Variants in GBF1 observed in about 807,000 individuals in gnomAD.
GBF1 encodes the protein golgi brefeldin A resistant guanine nucleotide exchange factor 1.
A neutral mutation model predicts 210.5 loss-of-function variants in GBF1; 114 were observed. That is an observed-to-expected ratio of 0.54 (90% CI 0.47 to 0.63). The LOEUF is 0.63. Ranked by LOEUF, GBF1 falls within the 30% of genes least tolerant of loss-of-function variation. The pLI is 0.00. For synonymous variants in GBF1, 850 were observed against 889.2 expected (o/e 0.96, Z 0.78); for missense variants, 1,851 against 2,357.7 (o/e 0.79, Z 4.45).
In GBF1 at chr10:102,311,575, C is replaced by G. The variant is rs146383508; in HGVS notation, c.164-32476C>G. On this transcript the variant is annotated intron_variant, in intron 3 of 39. Transcript: ENST00000369983. ...GGCCAGGGTGTCTGATGGGAACTTA[C>G]GAACCTTGGTTTGCTAAGGGTGATG... Among the ~76,000 whole-genome samples, 80 of 152,308 alleles carry G rather than the reference C, an allele frequency of 5.3e-4. 1 individual carries two copies. The highest frequency in any genetic ancestry group is 3.4e-3 in the Middle Eastern group (1 of 294).
At chr10:102,271,289 G>A (rs570347732) in intron 3 of GBF1, among the ~76,000 whole-genome samples, 77 of 152,082 alleles carry the variant, frequency 5.1e-4, no homozygotes, top group African/African-American at 1.6e-3. Flanking sequence ...TGCCCGCCTC[G>A]GCCTCCCCAA....
upstream of GBF1, among the ~76,000 whole-genome samples, chr10:102,241,733 G>A (rs1051291492): frequency 6.6e-6 from 1 of 152,250 alleles, no homozygotes; most frequent in Admixed American, 6.5e-5. The surrounding 1 kb of genome is among the most constrained non-coding windows in gnomAD (Gnocchi z 6.7). Flanking sequence ...TCAGCAACTC[G>A]GCCGCGCCCC....
the GBF1 span, among the ~76,000 whole-genome samples, chr10:102,239,227 A>G: frequency 6.6e-6 from 1 of 152,228 alleles, no homozygotes; most frequent in Non-Finnish European, 1.5e-5. Context: ...GTGACCAGGC[A>G]TGCGTTCAGT....
At chr10:102,336,779 T>C (rs951578757) in intron 3 of GBF1, among the ~76,000 whole-genome samples, 1 of 152,184 alleles carries the variant, frequency 6.6e-6, no homozygotes, top group African/African-American at 2.4e-5. Flanking sequence ...TACCTCATTA[T>C]AAATTATTTT....
chr10:102,260,367 C>G (rs1232281753), intron 3 of GBF1, among the ~76,000 whole-genome samples: 1 of 151,782 alleles, frequency 6.6e-6, no homozygotes, highest in Non-Finnish European at 1.5e-5. Context: ...GCTATGTTGC[C>G]CAGGCTGGTT....
intron 3 of GBF1, among the ~76,000 whole-genome samples, chr10:102,280,831 G>A (rs1463698003): frequency 2.6e-5 from 4 of 152,196 alleles, no homozygotes; most frequent in Non-Finnish European, 5.9e-5. Context: ...GTATATCATC[G>A]GCAGATTTGG....
At chr10:102,280,821 G>GTA (rs1346276107) in intron 3 of GBF1, among the ~76,000 whole-genome samples, 1 of 152,234 alleles carries the variant, frequency 6.6e-6, no homozygotes, top group Non-Finnish European at 1.5e-5. Context: ...GCAGCTGGAA[G>GTA]TATATCATCG....
chr10:102,299,157 G>A (rs191008418), intron 3 of GBF1, among the ~76,000 whole-genome samples: 1 of 152,296 alleles, frequency 6.6e-6, no homozygotes, highest in East Asian at 1.9e-4. Flanking sequence ...AGGATGGTAT[G>A]GAATACTACT....
At chr10:102,265,739 T>C (rs948041445) in intron 3 of GBF1, among the ~76,000 whole-genome samples, 1 of 152,082 alleles carries the variant, frequency 6.6e-6, no homozygotes, top group African/African-American at 2.4e-5. Flanking sequence ...CAAAATCTTC[T>C]CTTATGGGAT....
chr10:102,314,776 C>T (rs1255237409), intron 3 of GBF1, among the ~76,000 whole-genome samples: 1 of 152,112 alleles, frequency 6.6e-6, no homozygotes, highest in Non-Finnish European at 1.5e-5. Flanking sequence ...CTTTCTCAAA[C>T]CTCCTTTTCT....
chr10:102,360,117 C>A, intron 11 of GBF1, 67 bp from the exon 12 acceptor site: 4 of 983,448 alleles, frequency 4.1e-6, no homozygotes, highest in Non-Finnish European at 6.6e-6. Flanking sequence ...TAATGCAGAG[C>A]AGGCTAGGCA....
In GBF1 at chr10:102,353,711, A is replaced by G. The variant is rs541785392; in HGVS notation, c.639+57A>G. 28 of 1,277,712 alleles carry G rather than the reference A, an allele frequency of 2.2e-5. No homozygotes were observed. The South Asian group carries it at 3.0e-4, about 14-fold the overall frequency. 79.1% of individuals were successfully genotyped at this position (1,277,712 alleles called of 1,614,324 possible). The stretch of plus-strand genomic sequence containing the variant: ...ATCCAAACCTTAATCTCCCAACTTC[A>G]GTGCCTTGGGGTAACCTTGCTTAGC... On this transcript the variant is annotated intron_variant, in intron 8 of 39. Transcript: ENST00000369983.
chr10:102,361,220 A>G (rs1221788228), intron 13 of GBF1, 100 bp downstream of exon 13: 1 of 758,778 alleles, frequency 1.3e-6, no homozygotes, highest in Non-Finnish European at 2.4e-6. Context: ...GGTAGGATTT[A>G]GGGACTTCCT....
Position 102,379,548 on chromosome 10 carries a change from G to A in GBF1, c.4673G>A (p.Arg1558Gln), listed in dbSNP as rs553541471. Residue 1558 changes from arginine (R) to glutamine (Q), a missense_variant, in exon 35 of 40, where the codon CGG becomes CAG. This residue lies in a region of GBF1 where 967 missense variants were observed against 1,247.7 expected (regional missense o/e 0.78). Transcript: ENST00000369983. ...ATTGCCTGCCTGTGCTGCGATGCCC[G>A]GCGCCAGGTACGGATGCAGGCACTG... ...QGIACLCCDA[R>Q]RQVRMQALTY... 1.2e-5 allele frequency: 19 copies of A among 1,614,132 alleles called. No individual in the cohort carries two copies. In the South Asian group the frequency reaches 1.5e-4, roughly 13 times the overall value.
rs777918696 is a variant in GBF1 at position 102,368,469 on chromosome 10, G to T, written c.2879+15G>T. 11 of 1,450,538 alleles carry T rather than the reference G, an allele frequency of 7.6e-6. No individual in the cohort carries two copies. The highest frequency in any genetic ancestry group is 2.9e-6 in the Non-Finnish European group (3 of 1,031,674). 89.9% of individuals were successfully genotyped at this position (1,450,538 alleles called of 1,614,324 possible). ...TCAGGCTTCAGGTAGCCCAGCTTTG[G>T]CCTTGGTCTTCACCTCCCACTAGCT... On this transcript the variant is annotated intron_variant, in intron 22 of 39. Coordinates refer to ENST00000369983, the MANE Select transcript of GBF1 (RefSeq NM_001377137.1).
At chr10:102,294,623 A>G (rs908953776) in intron 3 of GBF1, among the ~76,000 whole-genome samples, 4 of 151,026 alleles carry the variant, frequency 2.6e-5, no homozygotes, top group African/African-American at 7.3e-5. Context: ...CCATCTGCCC[A>G]CCTCGGCCTC....
In GBF1 at chr10:102,363,404, C is replaced by G. The variant is rs753052452; in HGVS notation, c.2017+8C>G. On this transcript the variant is annotated splice_region_variant and intron_variant, in intron 16 of 39. Transcript: ENST00000369983. This position sits in a 1 kb window ranked among gnomAD's most constrained non-coding sequence, Gnocchi z 4.2. The stretch of plus-strand genomic sequence containing the variant: ...AAGCTGTTGACTCTGGGGGTGGGTA[C>G]TGGGTGTCCATGACCCTAAGCTCCT... 5.6e-6 allele frequency: 9 copies of G among 1,611,370 alleles called. No individual in the cohort carries two copies. The highest frequency in any genetic ancestry group is 7.6e-6 in the Non-Finnish European group (9 of 1,178,412).
chr10:102,299,798 A>G (rs2077194834), intron 3 of GBF1, among the ~76,000 whole-genome samples: 1 of 152,204 alleles, frequency 6.6e-6, no homozygotes, highest in Non-Finnish European at 1.5e-5. Context: ...AAAATTAAAA[A>G]ATAAATGTAA....
intron 3 of GBF1, among the ~76,000 whole-genome samples, chr10:102,295,293 T>G (rs999901873): frequency 1.3e-5 from 2 of 152,234 alleles, no homozygotes; most frequent in East Asian, 1.9e-4. Flanking sequence ...TAGTATGGAC[T>G]GTGGCAGACT....
Sources: allele counts gnomAD v4.1 joint callset (sites outside exome capture counted in the v4.1 genomes callset), GRCh38; gene constraint gnomAD v4.1.1; regional missense constraint gnomAD v4.1.1; non-coding constraint Gnocchi (gnomAD v3.1); transcripts MANE v1.5; gene names NCBI Gene and HGNC (gene_info 2026-07-23, HGNC 2026-07-21).